Variants in CHL1 observed in about 807,000 individuals in gnomAD.
The protein encoded by CHL1 is neural cell adhesion molecule L1-like protein.
In CHL1, 96 loss-of-function variants were observed where a neutral mutation model predicts 141.9. That is an observed-to-expected ratio of 0.68 (90% CI 0.57 to 0.80). The LOEUF (loss-of-function observed/expected upper bound fraction) is 0.80. CHL1 is among the 30% of genes least tolerant of loss of function. CHL1 has a pLI of 0.00. For synonymous variants in CHL1, 613 were observed against 502.2 expected (o/e 1.22, Z -2.95); for missense variants, 1,820 against 1,457.2 (o/e 1.25, Z -4.05).
intron 2 of CHL1, among the ~76,000 whole-genome samples, chr3:278,947 G>A (rs911508428): frequency 2.0e-5 from 3 of 152,128 alleles, no homozygotes; most frequent in Non-Finnish European, 2.9e-5. Flanking sequence ...CTTGCCTTTC[G>A]AATGGTTTCA....
In CHL1 at chr3:355,331, C is replaced by T. The variant is rs1703616654; in HGVS notation, c.1165+560C>T. Among the ~76,000 whole-genome samples, 3 of 152,260 alleles carry T rather than the reference C, an allele frequency of 2.0e-5. No homozygotes were observed. The South Asian group carries it at 6.2e-4, about 32-fold the overall frequency. On this transcript the variant is annotated intron_variant, in intron 11 of 27. Transcript: ENST00000256509. ...TTGCTACCAACCTCAAGCACAAAGA[C>T]CTGAAAATCCCCATGCCCGGTCCAC...
At chr3:211,703 C>T (rs187711987) in intron 1 of CHL1, among the ~76,000 whole-genome samples, 10 of 152,078 alleles carry the variant, frequency 6.6e-5, no homozygotes, top group Non-Finnish European at 1.0e-4. Context: ...AGTATTGCAC[C>T]GTAGTTTTCA....
chr3:309,686 G>C (rs1228702243), intron 2 of CHL1, among the ~76,000 whole-genome samples: 1 of 151,890 alleles, frequency 6.6e-6, no homozygotes, highest in Non-Finnish European at 1.5e-5. Context: ...TTTAAAAAAA[G>C]AAAATCTTTG....
intron 2 of CHL1, among the ~76,000 whole-genome samples, chr3:295,231 G>C (rs1379006586): frequency 6.6e-6 from 1 of 152,172 alleles, no homozygotes; most frequent in Non-Finnish European, 1.5e-5. Context: ...CTGTTAGAGT[G>C]ATAAAAGGCA....
chr3:286,679 C>G (rs1335917401), intron 2 of CHL1, among the ~76,000 whole-genome samples: 1 of 150,288 alleles, frequency 6.7e-6, no homozygotes, highest in South Asian at 2.1e-4. Flanking sequence ...ATAGACAGAA[C>G]AGAAGCATGA....
At chr3:331,205 G>C (rs1701410369) in intron 5 of CHL1, among the ~76,000 whole-genome samples, 1 of 90,398 alleles carries the variant, frequency 1.1e-5, no homozygotes, top group South Asian at 3.3e-4. Context: ...TTCCTTTCTG[G>C]CTTTTTTGTT....
intron 1 of CHL1, among the ~76,000 whole-genome samples, chr3:238,038 A>G (rs531469573): frequency 1.3e-5 from 2 of 152,314 alleles, no homozygotes; most frequent in African/African-American, 2.4e-5. Flanking sequence ...ATTGTACATC[A>G]TTTTATGTTA....
chr3:345,714 A>G (rs1264111917), intron 9 of CHL1, among the ~76,000 whole-genome samples: 2 of 152,008 alleles, frequency 1.3e-5, no homozygotes, highest in Non-Finnish European at 2.9e-5. Context: ...CGATCTCCGG[A>G]CCCTGTGATC....
intron 2 of CHL1, among the ~76,000 whole-genome samples, chr3:268,872 G>T (rs76645186): frequency 0.076 from 11,515 of 152,252 alleles, 474 homozygotes; most frequent in Middle Eastern, 0.13. Flanking sequence ...CGAGAATACA[G>T]GGTTAAAGGC....
chr3:404,307 C>T (rs1248569797), intron 27 of CHL1, among the ~76,000 whole-genome samples: 2 of 152,168 alleles, frequency 1.3e-5, no homozygotes, highest in East Asian at 1.9e-4. Flanking sequence ...TTCCTAGAAA[C>T]CTGACATACT....
chr3:286,610 C>A (rs954962570), intron 2 of CHL1, among the ~76,000 whole-genome samples: 1,227 of 111,188 alleles, frequency 0.011, no homozygotes, highest in Non-Finnish European at 0.014. Flanking sequence ...GACTTTGTCT[C>A]AAAAAAAAAA....
At chr3:384,274 A>T (rs1481974663) in intron 19 of CHL1, 1 of 155,710 alleles carries the variant, frequency 6.4e-6, no homozygotes, top group Non-Finnish European at 1.4e-5. Flanking sequence ...CCCATAAAGT[A>T]TTCACTACTC....
chr3:250,042 T>C (rs776404673), intron 2 of CHL1, among the ~76,000 whole-genome samples: 1 of 152,018 alleles, frequency 6.6e-6, no homozygotes, highest in Non-Finnish European at 1.5e-5. Flanking sequence ...TCATAGCTCA[T>C]TGCAGCTTTG....
At chr3:296,243 T>C (rs1055821337) in intron 2 of CHL1, among the ~76,000 whole-genome samples, 10 of 152,150 alleles carry the variant, frequency 6.6e-5, no homozygotes, top group Non-Finnish European at 1.5e-4. Context: ...TTAAGACCTA[T>C]CCTCCATATA....
At chr3:369,220 A>G (rs1383416259) in intron 15 of CHL1, among the ~76,000 whole-genome samples, 4 of 145,232 alleles carry the variant, frequency 2.8e-5, no homozygotes, top group East Asian at 4.3e-4. Flanking sequence ...TATTCTTTGT[A>G]TCCATGAGGA....
intron 5 of CHL1, among the ~76,000 whole-genome samples, chr3:337,456 T>C (rs113366789): frequency 8.7e-4 from 132 of 152,158 alleles, no homozygotes; most frequent in Non-Finnish European, 1.4e-3. Flanking sequence ...CATGCTGGTG[T>C]GCTGCACCCA....
At chr3:305,946 A>T (rs1239034551) in intron 2 of CHL1, among the ~76,000 whole-genome samples, 1 of 152,164 alleles carries the variant, frequency 6.6e-6, no homozygotes, top group African/African-American at 2.4e-5. Flanking sequence ...GAATCAAAAC[A>T]CATAAGACTA....
intron 2 of CHL1, among the ~76,000 whole-genome samples, chr3:291,491 G>A (rs1697694827): frequency 6.9e-6 from 1 of 144,814 alleles, no homozygotes; most frequent in Non-Finnish European, 1.5e-5. Flanking sequence ...GGAATTAGAT[G>A]TCCAGTATAA....
In CHL1 at chr3:197,695, T is replaced by C. The variant is rs936622223; in HGVS notation, c.-175+632T>C. ...ATCCATGGACCGTGGGGTTGTGGGGTTGGGGAGCACGAAAACCCAGAGAGG... is the reference window on the plus strand; with the variant it reads ...ATCCATGGACCGTGGGGTTGTGGGGCTGGGGAGCACGAAAACCCAGAGAGG... On this transcript the variant is annotated intron_variant, in intron 1 of 27. Coordinates refer to ENST00000256509, the MANE Select transcript of CHL1 (RefSeq NM_006614.4). 3.8e-5 allele frequency: 16 copies of C among 417,992 alleles called. No homozygotes were observed. The Admixed American group carries it at 3.9e-4, about 10-fold the overall frequency. The allele number at this position is 417,992 out of a possible 1,614,324, so 25.9% of individuals were successfully genotyped here.
Sources: gnomAD v4.1 joint callset for allele counts (sites outside exome capture counted in the v4.1 genomes callset) on GRCh38, gnomAD v4.1.1 for gene constraint, MANE v1.5 for transcripts, NCBI Gene and HGNC (gene_info 2026-07-23, HGNC 2026-07-21) for gene names.